Variants in GK5 observed in about 807,000 individuals in gnomAD.
The protein encoded by GK5 is ATP:glycerol 3-phosphotransferase 5.
In GK5, 39 loss-of-function variants were observed where a neutral mutation model predicts 77.3. That is an observed-to-expected ratio of 0.50 (90% CI 0.39 to 0.66). The LOEUF (loss-of-function observed/expected upper bound fraction) is 0.66, where lower values mean the gene tolerates loss of function less well. GK5 is among the 30% of genes least tolerant of loss of function. The pLI is 0.00. For missense variants in GK5, 487 were observed against 633.8 expected (o/e 0.77, Z 2.49); for synonymous variants, 211 against 208.0 (o/e 1.01, Z -0.13).
intron 4 of GK5, 30 bp from the exon 5 acceptor site, chr3:142,198,963 A>T: frequency 1.3e-6 from 2 of 1,555,552 alleles, no homozygotes; most frequent in South Asian, 2.3e-5. Context: ...TTTTAGGAAA[A>T]TGCATTTAGT....
chr3:142,181,004 A>G (rs1414644641), intron 11 of GK5, among the ~76,000 whole-genome samples: 2 of 152,202 alleles, frequency 1.3e-5, no homozygotes, highest in African/African-American at 4.8e-5. Context: ...AGCACTGCAA[A>G]AGCACTGAAA....
chr3:142,179,764 A>G (rs2063667896), intron 11 of GK5, among the ~76,000 whole-genome samples: 1 of 152,204 alleles, frequency 6.6e-6, no homozygotes, highest in Non-Finnish European at 1.5e-5. Flanking sequence ...AAGCTAATTG[A>G]TAAAAAGTCT....
chr3:142,188,037 GTTACTTTTGTGTTTTTTGTTGTTTTTTT>G (rs1273194658), intron 5 of GK5, among the ~76,000 whole-genome samples: 1 of 151,802 alleles, frequency 6.6e-6, no homozygotes, highest in Non-Finnish European at 1.5e-5. Flanking sequence ...GCATGCGTTA[GTTACTTTTGTGTTTTTTGTTGTTTTTTT>G]TTTAAAAAAA....
At chr3:142,183,197 G>A (rs1296956787) in intron 9 of GK5, 148 bp from the exon 10 acceptor site, 4 of 662,752 alleles carry the variant, frequency 6.0e-6, no homozygotes, top group Non-Finnish European at 7.4e-6. Flanking sequence ...ATCCCAAAGA[G>A]AATAGGGAGC....
At chr3:142,167,482 A>G (rs772512630) in intron 15 of GK5, among the ~76,000 whole-genome samples, 6 of 152,266 alleles carry the variant, frequency 3.9e-5, no homozygotes, top group Non-Finnish European at 7.3e-5. Context: ...AAATCTAGTC[A>G]GGAAAATAAA....
chr3:142,187,830 T>A lies in GK5; in HGVS notation c.544-51A>T, dbSNP rs368910688. Reference sequence around the variant, plus strand: ...GATTCAAAAAGGCTAAATTACTAAGTGCATGATTAAATGCAGATCAGTGAT... The same window carrying A: ...GATTCAAAAAGGCTAAATTACTAAGAGCATGATTAAATGCAGATCAGTGAT... On this transcript the variant is annotated intron_variant, in intron 5 of 15. Coordinates refer to ENST00000392993, the MANE Select transcript of GK5 (RefSeq NM_001039547.3). 2.2e-6 allele frequency: 3 copies of A among 1,340,034 alleles called. No homozygotes were observed. The African/African-American group carries it at 4.4e-5, about 20-fold the overall frequency. The allele number at this position is 1,340,034 out of a possible 1,614,324, so 83.0% of individuals were successfully genotyped here.
intron 1 of GK5, among the ~76,000 whole-genome samples, chr3:142,224,009 G>A (rs2064394097): frequency 1.3e-5 from 2 of 152,114 alleles, no homozygotes; most frequent in Non-Finnish European, 2.9e-5. Flanking sequence ...TGAGAAAAAG[G>A]GGGAATACAG....
intron 1 of GK5, among the ~76,000 whole-genome samples, chr3:142,217,550 T>C (rs1208288990): frequency 1.3e-5 from 2 of 151,940 alleles, no homozygotes; most frequent in Non-Finnish European, 1.5e-5. Context: ...ATTTGTTTAA[T>C]CAGGGGTCTC....
At chr3:142,224,303 T>TG (rs1457336335) in intron 1 of GK5, among the ~76,000 whole-genome samples, 1 of 151,900 alleles carries the variant, frequency 6.6e-6, no homozygotes, top group African/African-American at 2.4e-5. Flanking sequence ...CCCAGCTACT[T>TG]GGGGGGCTGA....
In GK5 at chr3:142,177,510, C is replaced by T. The variant is rs754878773; in HGVS notation, c.1115G>A (p.Cys372Tyr). The change falls in exon 12 of 16, where the codon TGT becomes TAT. Residue 372 changes from cysteine to tyrosine, a missense_variant. Physicochemically the swap from Cys to Tyr is radical, Grantham distance 194 (BLOSUM62 -2). Transcript: ENST00000392993. ...TAATCCACTAAAAGATGGAACAAAA[C>T]AAACTCCTTCAGAATCCTCCAAACT... is the stretch of plus-strand genomic sequence containing the variant. ...AKSLEDSEGV[C>Y]FVPSFSGLQA... 12 of 1,610,596 alleles carry T rather than the reference C, an allele frequency of 7.5e-6. No homozygotes were observed. In the Admixed American group the frequency reaches 1.0e-4, roughly 13 times the overall value.
chr3:142,198,676 A>G (rs2063971549), intron 5 of GK5, 126 bp downstream of exon 5: 7 of 805,330 alleles, frequency 8.7e-6, no homozygotes, highest in Middle Eastern at 3.0e-4. Context: ...AATATGTGGT[A>G]GACACTTAAT....
intron 5 of GK5, among the ~76,000 whole-genome samples, chr3:142,198,343 C>T (rs11927535): frequency 0.42 from 63,468 of 151,326 alleles, 16,820 homozygotes; most frequent in African/African-American, 0.76. Flanking sequence ...CGGGGAGTGG[C>T]GGCTCACGCT....
At chr3:142,196,558 T>C (rs758101408) in intron 5 of GK5, among the ~76,000 whole-genome samples, 23 of 152,178 alleles carry the variant, frequency 1.5e-4, no homozygotes, top group Non-Finnish European at 2.8e-4. Flanking sequence ...ATTTCTCTTA[T>C]GATTTCTCCT....
chr3:142,221,182 T>C (rs891787010), intron 1 of GK5, among the ~76,000 whole-genome samples: 1 of 152,232 alleles, frequency 6.6e-6, no homozygotes, highest in Non-Finnish European at 1.5e-5. Context: ...CAAGGTGATG[T>C]GGAAAAAGAA....
At position 142,157,934 on chromosome 3, in the gene GK5, T is replaced by C. The variant is rs1047254111; in HGVS notation, c.*7688A>G. On this transcript the variant is annotated 3_prime_UTR_variant, in exon 16 of 16. Coordinates refer to ENST00000392993, the MANE Select transcript of GK5 (RefSeq NM_001039547.3). ...CAAGTGCTATTTCTCTGGTTGTTTT[T>C]TGTTGTTGTTGTTGTTGTTTTTGTT... 1 of 148,780 alleles carries C rather than the reference T, an allele frequency of 6.7e-6. No individual in the cohort carries two copies. Among genetic ancestry groups the C allele is most frequent in the Non-Finnish European group, 1.5e-5 (1 of 67,882 alleles). The allele number at this position is 148,780 out of a possible 1,614,324, so 9.2% of individuals were successfully genotyped here.
intron 5 of GK5, among the ~76,000 whole-genome samples, chr3:142,189,461 T>G (rs1290508706): frequency 6.6e-6 from 1 of 152,220 alleles, no homozygotes; most frequent in Non-Finnish European, 1.5e-5. Context: ...TTGTTAAATT[T>G]AGAAATTTTT....
chr3:142,176,455 G>C (rs2063611564), intron 12 of GK5, among the ~76,000 whole-genome samples: 1 of 151,884 alleles, frequency 6.6e-6, no homozygotes, highest in Admixed American at 6.6e-5. Flanking sequence ...GTATATGATA[G>C]ACATATAACT....
chr3:142,168,324 A>C (rs903685866), intron 15 of GK5, among the ~76,000 whole-genome samples: 3 of 152,214 alleles, frequency 2.0e-5, no homozygotes, highest in African/African-American at 7.2e-5. Context: ...TGGAATATGA[A>C]GGAGTTCAAA....
At chr3:142,222,678 C>A (rs1253604835) in intron 1 of GK5, among the ~76,000 whole-genome samples, 3 of 152,040 alleles carry the variant, frequency 2.0e-5, no homozygotes, top group Non-Finnish European at 4.4e-5. Context: ...GAAGCTGAGG[C>A]AGGAGGATTG....
Sources: gnomAD v4.1 joint callset for allele counts (sites outside exome capture counted in the v4.1 genomes callset) on GRCh38, gnomAD v4.1.1 for gene constraint, MANE v1.5 for transcripts, NCBI Gene and HGNC (gene_info 2026-07-23, HGNC 2026-07-21) for gene names.